PAFAH1B2: variants seen among roughly 807,000 people sequenced by gnomAD.
The protein encoded by PAFAH1B2 is platelet-activating factor acetylhydrolase IB subunit alpha2.
In PAFAH1B2, 8 loss-of-function variants were observed where a neutral mutation model predicts 28.0. The observed-to-expected ratio is 0.29, with a 90% confidence interval of 0.17 to 0.52. The LOEUF is 0.52. Ranked by LOEUF, PAFAH1B2 falls within the 20% of genes least tolerant of loss-of-function variation. The pLI is 0.97. For synonymous variants in PAFAH1B2, 104 were observed against 103.2 expected (o/e 1.01, Z -0.05); for missense variants, 190 against 282.6 (o/e 0.67, Z 2.35).
At chr11:117,150,232 C>A (rs1244685609) in intron 1 of PAFAH1B2, among the ~76,000 whole-genome samples, 1 of 152,158 alleles carries the variant, frequency 6.6e-6, no homozygotes, top group South Asian at 2.1e-4. Context: ...GCTGCAACTT[C>A]CGCCTGCCAG....
chr11:117,155,968 ATTGT>A (rs1470540869), intron 2 of PAFAH1B2, among the ~76,000 whole-genome samples: 2 of 152,112 alleles, frequency 1.3e-5, no homozygotes, highest in African/African-American at 2.4e-5. Context: ...AGGCCAGTAG[ATTGT>A]TTGAGGCCAG....
At chr11:117,149,430 G>GTTTTTTTTTTTTCTTTTTTTTTTTTTT in intron 1 of PAFAH1B2, among the ~76,000 whole-genome samples, 1 of 86,050 alleles carries the variant, frequency 1.2e-5, no homozygotes, top group Non-Finnish European at 2.2e-5. Flanking sequence ...TTTTCTAATC[G>GTTTTTTTTTTTTCTTTTTTTTTTTTTT]TTTTTTTTTT....
At chr11:117,175,756 G>T, downstream of PAFAH1B2, 1 of 1,065,402 alleles carries the variant, frequency 9.4e-7, no homozygotes, top group Non-Finnish European at 1.3e-6. Flanking sequence ...CAGGCGTAGG[G>T]TCACATCTTG....
chr11:117,160,797 A>C (rs1190121558), intron 3 of PAFAH1B2, among the ~76,000 whole-genome samples: 1 of 149,692 alleles, frequency 6.7e-6, no homozygotes, highest in African/African-American at 2.5e-5. Flanking sequence ...TTTTTTTTTA[A>C]GCTCTAGCAC....
chr11:117,177,589 C>A (rs1591763039), downstream of PAFAH1B2, among the ~76,000 whole-genome samples: 1 of 152,224 alleles, frequency 6.6e-6, no homozygotes, highest in Non-Finnish European at 1.5e-5. Flanking sequence ...GGCTGGAGTG[C>A]AGGAGCATGA....
At chr11:117,145,184 GT>G (rs367691780) in intron 1 of PAFAH1B2, among the ~76,000 whole-genome samples, 2 of 152,108 alleles carry the variant, frequency 1.3e-5, no homozygotes, top group Admixed American at 1.3e-4. Context: ...TTGGGGGGAT[GT>G]TTTTTTCCTG....
chr11:117,167,379 A>G lies in PAFAH1B2; in HGVS notation c.412-42A>G, dbSNP rs1412197102. 15 of 1,496,326 alleles carry G rather than the reference A, an allele frequency of 1.0e-5. No individual in the cohort carries two copies. In the Admixed American group the frequency reaches 3.1e-4, roughly 31 times the overall value. The allele number at this position is 1,496,326 out of a possible 1,614,324, so 92.7% of individuals were successfully genotyped here. The stretch of plus-strand genomic sequence containing the variant: ...AGTTATAAATAATAAGTAGAGAAAA[A>G]TAAGTGAATCTTCTAATTTAATGTT... On this transcript the variant is annotated intron_variant, in intron 5 of 5. Transcript: ENST00000527958.
chr11:117,174,131 C>G (rs958255375), downstream of PAFAH1B2, among the ~76,000 whole-genome samples: 1 of 151,182 alleles, frequency 6.6e-6, no homozygotes, highest in African/African-American at 2.4e-5. Flanking sequence ...GTGATTCTTA[C>G]AAAATCCTGC....
At chr11:117,148,737 A>C (rs1334164907) in intron 1 of PAFAH1B2, among the ~76,000 whole-genome samples, 1 of 152,176 alleles carries the variant, frequency 6.6e-6, no homozygotes, top group African/African-American at 2.4e-5. Context: ...AGCCTGGACA[A>C]CATAGTGAGA....
At chr11:117,151,255 A>C (rs1956144584) in intron 1 of PAFAH1B2, among the ~76,000 whole-genome samples, 1 of 126,882 alleles carries the variant, frequency 7.9e-6, no homozygotes, top group Non-Finnish European at 1.6e-5. Flanking sequence ...TTTGAGATGG[A>C]GTCTGGCTCT....
rs192707818 is a variant in PAFAH1B2, at chr11:117,147,055, T to C, written c.-8+2637T>C. Reference sequence around the variant, plus strand: ...AAGCCAAGGTGGGCGGATCACCTGATGTCAGGAGTTCGAGACCACCCTGAC... The same window carrying C: ...AAGCCAAGGTGGGCGGATCACCTGACGTCAGGAGTTCGAGACCACCCTGAC... On this transcript the variant is annotated intron_variant, in intron 1 of 5. Coordinates refer to ENST00000527958, the MANE Select transcript of PAFAH1B2 (RefSeq NM_002572.4). Among the ~76,000 whole-genome samples the C allele has an allele frequency of 1.7e-3, 262 of 152,116 alleles. 2 individuals are homozygous for C. The highest frequency in any genetic ancestry group is 2.1e-3 in the Non-Finnish European group (146 of 67,976).
chr11:117,166,939 A>G (rs982122579), intron 5 of PAFAH1B2, among the ~76,000 whole-genome samples: 4 of 152,244 alleles, frequency 2.6e-5, no homozygotes, highest in Admixed American at 1.3e-4. Context: ...GATGGAGACA[A>G]GAAAATGACA....
intron 2 of PAFAH1B2, among the ~76,000 whole-genome samples, chr11:117,158,640 C>CTTTTT (rs11327233): frequency 1.6e-4 from 13 of 81,808 alleles, no homozygotes; most frequent in African/African-American, 4.7e-4. Flanking sequence ...AGTTTGTGGG[C>CTTTTT]TTTTTTTTTT....
Position 117,168,503 on chromosome 11 carries a change from A to T in PAFAH1B2, c.*804A>T, listed in dbSNP as rs1353906516. 1 of 961,924 alleles carries T rather than the reference A, an allele frequency of 1.0e-6. No individual in the cohort carries two copies. Among genetic ancestry groups the T allele is most frequent in the African/African-American group, 2.2e-5 (1 of 44,952 alleles). The allele number at this position is 961,924 out of a possible 1,614,324, so 59.6% of individuals were successfully genotyped here. A position where few individuals can be genotyped will look rare whatever the true frequency, so the allele number is the denominator to read the frequency against. On this transcript the variant is annotated 3_prime_UTR_variant, in exon 6 of 6. Coordinates refer to ENST00000527958, the MANE Select transcript of PAFAH1B2 (RefSeq NM_002572.4). ...TGTTGACATTACAAGCTTTTAACAC[A>T]TTTTTGACCTAGGAGCCCTGTTGCT... is the stretch of plus-strand genomic sequence containing the variant.
In PAFAH1B2 at chr11:117,165,729, G is replaced by A. The variant is rs748004363; in HGVS notation, c.412-1692G>A. 5.9e-5 allele frequency among the ~76,000 whole-genome samples: 9 copies of A among 152,230 alleles called. No individual in the cohort carries two copies. The East Asian group carries it at 1.7e-3, about 29-fold the overall frequency. On this transcript the variant is annotated intron_variant, in intron 5 of 5. Coordinates refer to ENST00000527958, the MANE Select transcript of PAFAH1B2 (RefSeq NM_002572.4). ...ATTATAGAAAAATAAAGAGAATTGA[G>A]CAAAGGCTTGTACATGTATGTGTTT...
intron 4 of PAFAH1B2, 21 bp downstream of exon 4, chr11:117,161,282 C>G: frequency 1.5e-6 from 2 of 1,350,428 alleles, no homozygotes; most frequent in Non-Finnish European, 2.0e-6. Context: ...AGTTACTTGT[C>G]AATGTCATTA....
At chr11:117,146,447 T>A (rs1049588076) in intron 1 of PAFAH1B2, among the ~76,000 whole-genome samples, 3 of 152,124 alleles carry the variant, frequency 2.0e-5, no homozygotes, top group African/African-American at 7.2e-5. Context: ...ATTTTATGTG[T>A]CCATAAGAGC....
chr11:117,165,869 T>TGAGA (rs1354121390), intron 5 of PAFAH1B2, among the ~76,000 whole-genome samples: 1 of 150,134 alleles, frequency 6.7e-6, no homozygotes, highest in East Asian at 2.0e-4. Context: ...AGATGGAGTC[T>TGAGA]CGCTCTACTG....
chr11:117,166,549 T>C (rs182283133), intron 5 of PAFAH1B2, among the ~76,000 whole-genome samples: 227 of 152,336 alleles, frequency 1.5e-3, no homozygotes, highest in African/African-American at 4.5e-3. Flanking sequence ...ACAGACTTTA[T>C]GGTGTATTTA....
Sources: gnomAD v4.1 joint callset for allele counts (sites outside exome capture counted in the v4.1 genomes callset) on GRCh38, gnomAD v4.1.1 for gene constraint, MANE v1.5 for transcripts, NCBI Gene and HGNC (gene_info 2026-07-23, HGNC 2026-07-21) for gene names.